Variants in ZRANB2 observed in about 807,000 individuals in gnomAD.
ZRANB2 encodes zinc finger RANBP2-type containing 2.
Under a neutral mutation model 53.4 loss-of-function variants are expected in ZRANB2, and 19 were observed. That is an observed-to-expected ratio of 0.36 (90% confidence interval 0.25 to 0.52). ZRANB2 has a LOEUF of 0.52. ZRANB2 is among the 20% of genes least tolerant of loss of function. The pLI, the probability that ZRANB2 is intolerant of heterozygous loss-of-function variation, is 0.93. For missense variants in ZRANB2, 309 were observed against 401.1 expected, an observed-to-expected ratio of 0.77 and a Z score of 1.96; for synonymous variants, 145 against 134.8, an observed-to-expected ratio of 1.08 and a Z score of -0.52.
chr1:71,070,457 G>A (rs1274639820), intron 7 of ZRANB2, among the ~76,000 whole-genome samples: 2 of 151,932 alleles, frequency 1.3e-5, no homozygotes, highest in African/African-American at 2.4e-5. Flanking sequence ...GAAAATTTCT[G>A]TGCTAGCCTT....
rs749978864 is a variant in ZRANB2, at chr1:71,063,913, C to G, written c.*1161G>C. The G allele has an allele frequency of 2.0e-5, 3 of 152,244 alleles. No individual in the cohort carries two copies. Among genetic ancestry groups the G allele is most frequent in the African/African-American group, 7.2e-5 (3 of 41,400 alleles). 9.4% of individuals were successfully genotyped at this position (152,244 alleles called of 1,614,324 possible). ...AGCCCCCAAGCACAACTGTTGATTT[C>G]CTTTGATATACTTACCTTGCATTGT... is the stretch of plus-strand genomic sequence containing the variant. On this transcript the variant is annotated 3_prime_UTR_variant, in exon 10 of 10. Transcript: ENST00000370920.
Position 71,070,854 on chromosome 1 carries a change from G to C in ZRANB2, c.656C>G (p.Ser219Cys), listed in dbSNP as rs774634279. The stretch of plus-strand genomic sequence containing the variant: ...GGACCTAGACCTTGAACTTGAGGGG[G>C]AGGATGAGCGTGATGAAGATCGTGA... Reference protein sequence around the residue: ...SHSRSSSRSSSPSSSRSRSRS... With the variant: ...SHSRSSSRSSCPSSSRSRSRS... The change falls in exon 7 of 10, where the codon TCC becomes TGC. Residue 219 changes from serine (S) to cysteine (C), a missense_variant. This residue lies in a region of ZRANB2 where 211 missense variants were observed against 196.1 expected (regional missense o/e 1.08). Transcript: ENST00000370920. 2.5e-6 allele frequency: 4 copies of C among 1,602,096 alleles called. No homozygotes were observed. Among genetic ancestry groups the C allele is most frequent in the Non-Finnish European group, 3.4e-6 (4 of 1,173,792 alleles).
chr1:71,067,387 T>C (rs1661470849), intron 8 of ZRANB2: 4 of 224,928 alleles, frequency 1.8e-5, no homozygotes, highest in Non-Finnish European at 3.6e-5. Flanking sequence ...ATTAAACTGT[T>C]ATGGAAAAAC....
At position 71,070,928 on chromosome 1, in the gene ZRANB2, A is replaced by C; in HGVS notation, c.582T>G (p.Asn194Lys). 3.1e-6 allele frequency: 5 copies of C among 1,611,630 alleles called. No individual in the cohort carries two copies. The highest frequency in any genetic ancestry group is 4.2e-6 in the Non-Finnish European group (5 of 1,178,952). Residue 194 changes from asparagine (N) to lysine (K), a missense_variant, in exon 7 of 10, where the codon AAT becomes AAG. By Grantham distance (94) the Asn-to-Lys change is moderately conservative (BLOSUM62 0). Coordinates refer to ENST00000370920, the MANE Select transcript of ZRANB2 (RefSeq NM_203350.3). ...NLDASEEEDSNKKKSNRRSRS... is the reference protein window; with the variant it reads ...NLDASEEEDSKKKKSNRRSRS... ...GACTTCGTCTATTAGATTTCTTTTT[A>C]TTACTATCTTCTTCTTCACTGGCAT...
intron 4 of ZRANB2, among the ~76,000 whole-genome samples, chr1:71,073,327 A>G (rs1330324561): frequency 1.3e-5 from 2 of 152,060 alleles, no homozygotes; most frequent in Non-Finnish European, 2.9e-5. Context: ...ATTGAAAATT[A>G]AAGAGGTATG....
intron 9 of ZRANB2, 55 bp downstream of exon 9, chr1:71,066,721 T>A (rs1239067378): frequency 2.0e-6 from 3 of 1,537,498 alleles, no homozygotes; most frequent in Non-Finnish European, 2.6e-6. Context: ...AAAGTTTACT[T>A]TATCTATTAA....
At chr1:71,076,496 T>C (rs1285014572) in intron 4 of ZRANB2, among the ~76,000 whole-genome samples, 1 of 152,268 alleles carries the variant, frequency 6.6e-6, no homozygotes, top group African/African-American at 2.4e-5. Flanking sequence ...GGTATCATTA[T>C]ATCATTACTA....
At chr1:71,078,331 C>T (rs1021093265) in intron 3 of ZRANB2, 126 bp downstream of exon 3, 6 of 744,986 alleles carry the variant, frequency 8.1e-6, no homozygotes, top group Non-Finnish European at 1.3e-5. Context: ...GACTGAATAA[C>T]AATACCTTGG....
intron 7 of ZRANB2, 49 bp downstream of exon 7, chr1:71,070,778 T>TA: frequency 8.9e-7 from 1 of 1,120,784 alleles, no homozygotes; most frequent in Non-Finnish European, 1.2e-6. Context: ...ATAAAAAAGT[T>TA]AGATACTGAC....
chr1:71,068,410 G>C (rs1240728383), intron 8 of ZRANB2, among the ~76,000 whole-genome samples: 1 of 152,060 alleles, frequency 6.6e-6, no homozygotes, highest in African/African-American at 2.4e-5. Flanking sequence ...AGCATATTTT[G>C]ACTAAACAAA....
intron 4 of ZRANB2, among the ~76,000 whole-genome samples, chr1:71,074,655 G>GTT (rs56047754): frequency 7.4e-5 from 11 of 149,122 alleles, no homozygotes; most frequent in East Asian, 2.0e-4. Flanking sequence ...ATCTTTAATG[G>GTT]TTTTTTTTTT....
At chr1:71,073,093 A>C (rs1457569592) in intron 4 of ZRANB2, among the ~76,000 whole-genome samples, 1 of 152,118 alleles carries the variant, frequency 6.6e-6, no homozygotes, top group East Asian at 1.9e-4. Flanking sequence ...TTTAACACAT[A>C]GGTAAAAGTC....
intron 9 of ZRANB2, among the ~76,000 whole-genome samples, chr1:71,065,339 A>G (rs1417364700): frequency 6.6e-6 from 1 of 152,090 alleles, no homozygotes; most frequent in Non-Finnish European, 1.5e-5. Flanking sequence ...TAAATACAAT[A>G]AAAAATTCTC....
chr1:71,065,940 A>C, intron 9 of ZRANB2: 2 of 765,040 alleles, frequency 2.6e-6, no homozygotes, highest in African/African-American at 1.8e-5. Flanking sequence ...CTTAACATCT[A>C]AACTCCAAAA....
chr1:71,075,381 T>C (rs760500452), intron 4 of ZRANB2, among the ~76,000 whole-genome samples: 74 of 152,134 alleles, frequency 4.9e-4, no homozygotes, highest in Non-Finnish European at 9.0e-4. Flanking sequence ...AAAGAGATCA[T>C]TGGAAGAGGG....
At chr1:71,074,972 G>C (rs534304602) in intron 4 of ZRANB2, among the ~76,000 whole-genome samples, 2 of 152,210 alleles carry the variant, frequency 1.3e-5, no homozygotes, top group East Asian at 3.9e-4. Flanking sequence ...ACACCAGAAT[G>C]ACTGAAAAAT....
At position 71,074,789 on chromosome 1, in the gene ZRANB2, TTC is replaced by T. The variant is rs762674197; in HGVS notation, c.301+2004_301+2005del. ...AATCTTTCAGAGGTAGTGAATCACATTCTCTTTTATTCATATCCTGTCTCATG... is the reference window on the plus strand; with the variant it reads ...AATCTTTCAGAGGTAGTGAATCACATTCTTTTATTCATATCCTGTCTCATG... On this transcript the variant is annotated intron_variant, in intron 4 of 9. Transcript: ENST00000370920. Among the ~76,000 whole-genome samples the T allele has an allele frequency of 4.1e-4, 62 of 152,276 alleles. 1 individual carries two copies. The highest frequency in any genetic ancestry group is 6.8e-4 in the Non-Finnish European group (46 of 68,024).
intron 4 of ZRANB2, among the ~76,000 whole-genome samples, chr1:71,075,703 C>G (rs918354503): frequency 1.3e-5 from 2 of 151,610 alleles, no homozygotes; most frequent in African/African-American, 2.4e-5. Context: ...GAAGGAGGTA[C>G]GGTGCATACC....
chr1:71,078,525 A>G lies in ZRANB2; in HGVS notation c.150T>C (p.Thr50=), dbSNP rs766964677. ...TEAKMMKAGG[T]EIGKTLAEKS... Reference sequence around the variant, plus strand: ...TTTCTGCAAGTGTCTTTCCTATTTCAGTGCCCCCAGCTTTCATCATCTTGG... The same window carrying G: ...TTTCTGCAAGTGTCTTTCCTATTTCGGTGCCCCCAGCTTTCATCATCTTGG... The change falls in exon 3 of 10, where the codon ACT becomes ACC. Residue 50 remains threonine, a synonymous_variant. Transcript: ENST00000370920. 1.2e-6 allele frequency: 2 copies of G among 1,613,970 alleles called. No homozygotes were observed. Among genetic ancestry groups the G allele is most frequent in the East Asian group, 2.2e-5 (1 of 44,858 alleles).
Sources: allele counts gnomAD v4.1 joint callset (sites outside exome capture counted in the v4.1 genomes callset), GRCh38; gene constraint gnomAD v4.1.1; regional missense constraint gnomAD v4.1.1; transcripts MANE v1.5; gene names NCBI Gene and HGNC (gene_info 2026-07-23, HGNC 2026-07-21).